The following LAPTM4A variants were observed in gnomAD, a reference collection of about 807,000 sequenced individuals.
LAPTM4A encodes the protein lysosomal protein transmembrane 4 alpha.
Under a neutral mutation model 29.9 loss-of-function variants are expected in LAPTM4A, and 19 were observed. That is an observed-to-expected ratio of 0.64 (90% CI 0.44 to 0.93). LAPTM4A has a LOEUF of 0.93. Among genes scored for constraint, LAPTM4A ranks in the 40% least tolerant of loss-of-function variants. The pLI is 0.00. For synonymous variants in LAPTM4A, 105 were observed against 102.1 expected, an observed-to-expected ratio of 1.03 and a Z score of -0.17; for missense variants, 293 against 288.5, an observed-to-expected ratio of 1.02 and a Z score of -0.11.
intron 1 of LAPTM4A, among the ~76,000 whole-genome samples, chr2:20,049,917 A>G (rs896416815): frequency 6.6e-6 from 1 of 152,190 alleles, no homozygotes; most frequent in Non-Finnish European, 1.5e-5. Context: ...AAACAAAAGA[A>G]ATGAGACCCA....
chr2:20,042,408 T>C (rs552914749), intron 1 of LAPTM4A, among the ~76,000 whole-genome samples: 1 of 152,382 alleles, frequency 6.6e-6, no homozygotes, highest in East Asian at 1.9e-4. Context: ...ATACCTGTAA[T>C]TGAGTTTCAT....
chr2:20,037,335 T>C lies in LAPTM4A; in HGVS notation c.413A>G (p.Lys138Arg). The C allele has an allele frequency of 6.2e-7, 1 of 1,612,440 alleles. No homozygotes were observed. The highest frequency in any genetic ancestry group is 8.5e-7 in the Non-Finnish European group (1 of 1,179,208). Reference protein sequence around the residue: ...ISSLTYLPRIKEYLDQLPDFP... With the variant: ...ISSLTYLPRIREYLDQLPDFP... ...ACTTACTAGTTGATCCAGATATTCT[T>C]TGATTCTTGGCAAATAGGTGAGAGA... Residue 138 changes from lysine to arginine, a missense_variant, in exon 4 of 7, where the codon AAA becomes AGA. Lys to Arg is a conservative substitution (Grantham distance 26). Coordinates refer to ENST00000175091, the MANE Select transcript of LAPTM4A (RefSeq NM_014713.5).
intron 1 of LAPTM4A, among the ~76,000 whole-genome samples, chr2:20,047,897 T>C (rs571806030): frequency 2.6e-4 from 40 of 152,250 alleles, no homozygotes; most frequent in Middle Eastern, 6.8e-3. Context: ...CAGCAACATT[T>C]CAGGGAGAAG....
At position 20,037,401 on chromosome 2, in the gene LAPTM4A, C is replaced by T. The variant is rs371525821; in HGVS notation, c.347G>A (p.Arg116Gln). ...GCAACTGAGGACGAAGTCAAAAAGT[C>T]GGTAACAGAAGAATGGAATCAGCCA... The part of the protein sequence containing the change: ...VGWLIPFFCY[R>Q]LFDFVLSCLV... The change falls in exon 4 of 7, where the codon CGA becomes CAA. Residue 116 changes from arginine (R) to glutamine (Q), a missense_variant. Transcript: ENST00000175091. 57 of 1,612,040 alleles carry T rather than the reference C, an allele frequency of 3.5e-5. No homozygotes were observed. Among genetic ancestry groups the T allele is most frequent in the Non-Finnish European group, 4.6e-5 (54 of 1,179,254 alleles).
At chr2:20,034,463 T>G (rs967050852) in intron 5 of LAPTM4A, 48 bp from the exon 6 acceptor site, 3 of 1,242,374 alleles carry the variant, frequency 2.4e-6, no homozygotes, top group East Asian at 4.6e-5. Context: ...CTCAACAGAC[T>G]ACCTGCTCTA....
In LAPTM4A at chr2:20,046,772, ATATAT is replaced by A. The variant is rs1673932655; in HGVS notation, c.111+4633_111+4637del. ...ATTATATAAATATATATATAATATA[ATATAT>A]AAATATATATATAATATAATATATA... On this transcript the variant is annotated intron_variant, in intron 1 of 6. Transcript: ENST00000175091. Among the ~76,000 whole-genome samples, 3 of 144,688 alleles carry A rather than the reference ATATAT, an allele frequency of 2.1e-5. No homozygotes were observed. The South Asian group carries it at 6.3e-4, about 31-fold the overall frequency. 94.9% of individuals were successfully genotyped at this position (144,688 alleles called of 152,430 possible).
chr2:20,034,919 T>A lies in LAPTM4A; in HGVS notation c.528+48A>T, dbSNP rs1558383480. 9 of 1,358,790 alleles carry A rather than the reference T, an allele frequency of 6.6e-6. No individual in the cohort carries two copies. The South Asian group carries it at 1.1e-4, about 17-fold the overall frequency. The allele number at this position is 1,358,790 out of a possible 1,614,324, so 84.2% of individuals were successfully genotyped here. The stretch of plus-strand genomic sequence containing the variant: ...TGAAAGGCAGCAAAAAGGTTTAGAT[T>A]CACAGTGTCAATCTCAGTCACCCCT... On this transcript the variant is annotated intron_variant, in intron 5 of 6. Coordinates refer to ENST00000175091, the MANE Select transcript of LAPTM4A (RefSeq NM_014713.5).
At chr2:20,036,709 A>G (rs1673684260) in intron 4 of LAPTM4A, among the ~76,000 whole-genome samples, 1 of 148,600 alleles carries the variant, frequency 6.7e-6, no homozygotes, top group Non-Finnish European at 1.5e-5. Flanking sequence ...CCTTCTGACC[A>G]CCTCCACGAC....
chr2:20,046,631 G>T (rs1004531357), intron 1 of LAPTM4A, among the ~76,000 whole-genome samples: 6 of 150,168 alleles, frequency 4.0e-5, no homozygotes, highest in African/African-American at 1.5e-4. Context: ...GGGACTACAG[G>T]CATGCACCAC....
In LAPTM4A at chr2:20,037,398, A is replaced by G. The variant is rs1673700896; in HGVS notation, c.350T>C (p.Leu117Pro). ...CAGGCAACTGAGGACGAAGTCAAAA[A>G]GTCGGTAACAGAAGAATGGAATCAG... The part of the protein sequence containing the change: ...GWLIPFFCYR[L>P]FDFVLSCLVA... Residue 117 changes from leucine (L) to proline (P), a missense_variant, in exon 4 of 7, where the codon CTT becomes CCT. Physicochemically the swap from Leu to Pro is moderately conservative, Grantham distance 98. Coordinates refer to ENST00000175091, the MANE Select transcript of LAPTM4A (RefSeq NM_014713.5). The G allele has an allele frequency of 6.2e-7, 1 of 1,612,676 alleles. No homozygotes were observed. The highest frequency in any genetic ancestry group is 1.3e-5 in the African/African-American group (1 of 74,846).
chr2:20,051,572 C>A lies in LAPTM4A; in HGVS notation c.-52G>T. ...CGGGCCCCTGACAAACGTTCTCCACCCGCAGCCAAACTCAAACGGCTGTTT... is the reference window on the plus strand; with the variant it reads ...CGGGCCCCTGACAAACGTTCTCCACACGCAGCCAAACTCAAACGGCTGTTT... On this transcript the variant is annotated 5_prime_UTR_variant, in exon 1 of 7. Transcript: ENST00000175091. 1 of 1,209,380 alleles carries A rather than the reference C, an allele frequency of 8.3e-7. No individual in the cohort carries two copies. Among genetic ancestry groups the A allele is most frequent in the Non-Finnish European group, 1.2e-6 (1 of 846,940 alleles). The allele number at this position is 1,209,380 out of a possible 1,614,324, so 74.9% of individuals were successfully genotyped here. A position where few individuals can be genotyped will look rare whatever the true frequency, so the allele number is the denominator to read the frequency against.
chr2:20,041,433 C>A (rs1481213717), intron 1 of LAPTM4A, among the ~76,000 whole-genome samples: 1 of 152,216 alleles, frequency 6.6e-6, no homozygotes, highest in East Asian at 1.9e-4. Flanking sequence ...TGACAGAGAA[C>A]TCACTATTTC....
At chr2:20,044,949 G>GTC (rs1673880209) in intron 1 of LAPTM4A, among the ~76,000 whole-genome samples, 1 of 152,044 alleles carries the variant, frequency 6.6e-6, no homozygotes, top group East Asian at 1.9e-4. Flanking sequence ...TCACTATGTT[G>GTC]TCCAGTCTGG....
intron 2 of LAPTM4A, 126 bp downstream of exon 2, chr2:20,040,765 T>C: frequency 3.3e-6 from 3 of 915,906 alleles, no homozygotes; most frequent in Non-Finnish European, 5.1e-6. Context: ...AAGTACACCC[T>C]ATGATGTTCA....
intron 6 of LAPTM4A, among the ~76,000 whole-genome samples, chr2:20,033,737 G>A (rs1034986050): frequency 2.0e-5 from 3 of 152,206 alleles, no homozygotes; most frequent in African/African-American, 7.2e-5. Flanking sequence ...GTCTTCGAGG[G>A]TAACAGGCAC....
intron 2 of LAPTM4A, among the ~76,000 whole-genome samples, chr2:20,038,235 G>T (rs993022480): frequency 6.6e-6 from 1 of 152,070 alleles, no homozygotes; most frequent in Non-Finnish European, 1.5e-5. Context: ...CTGCACCCTG[G>T]TATCTATGTT....
rs150946300 is a variant in LAPTM4A at position 20,037,591 on chromosome 2, C to T, written c.256G>A (p.Val86Ile). Residue 86 changes from valine (V) to isoleucine (I), a missense_variant, in exon 3 of 7, where the codon GTC (valine) becomes ATC (isoleucine). Physicochemically the swap from Val to Ile is conservative, Grantham distance 29. Coordinates refer to ENST00000175091, the MANE Select transcript of LAPTM4A (RefSeq NM_014713.5). ...MADNACVLFA[V>I]SVLMFIISSM... ...CTGATTATAAACATAAGAACAGAGA[C>T]GGCAAAAAGAACACAGGCATTATCT... 49 of 1,606,656 alleles carry T rather than the reference C, an allele frequency of 3.0e-5. No homozygotes were observed. Among genetic ancestry groups the T allele is most frequent in the African/African-American group, 1.7e-4 (13 of 74,670 alleles).
At position 20,034,418 on chromosome 2, in the gene LAPTM4A, G is replaced by T; in HGVS notation, c.529-3C>A. 1 of 1,602,584 alleles carries T rather than the reference G, an allele frequency of 6.2e-7. No individual in the cohort carries two copies. The highest frequency in any genetic ancestry group is 8.6e-7 in the Non-Finnish European group (1 of 1,169,566). ...CAAACACAGTTAATTAGATAAGCCT[G>T]GAAGAATAAAAACAAAGTTGACATC... On this transcript the variant is annotated splice_region_variant and splice_polypyrimidine_tract_variant and intron_variant, in intron 5 of 6. Coordinates refer to ENST00000175091, the MANE Select transcript of LAPTM4A (RefSeq NM_014713.5).
At chr2:20,050,681 T>C (rs1674034866) in intron 1 of LAPTM4A, among the ~76,000 whole-genome samples, 1 of 152,146 alleles carries the variant, frequency 6.6e-6, no homozygotes, top group Non-Finnish European at 1.5e-5. Context: ...CACACAGATC[T>C]TGGAACCCAG....
Sources: gnomAD v4.1 joint callset for allele counts (sites outside exome capture counted in the v4.1 genomes callset) on GRCh38, gnomAD v4.1.1 for gene constraint, MANE v1.5 for transcripts, NCBI Gene and HGNC (gene_info 2026-07-23, HGNC 2026-07-21) for gene names.